The following CMIP variants were observed in gnomAD, a reference collection of about 807,000 sequenced individuals.
CMIP encodes c-Maf inducing protein.
In CMIP, 13 loss-of-function variants were observed where a neutral mutation model predicts 97.3. That is an observed-to-expected ratio of 0.13 (90% CI 0.09 to 0.21). The LOEUF (loss-of-function observed/expected upper bound fraction) is 0.21, where lower values mean the gene tolerates loss of function less well. Ranked by LOEUF, CMIP falls within the 10% of genes least tolerant of loss-of-function variation. CMIP has a pLI of 1.00. For synonymous variants in CMIP, 538 were observed against 436.3 expected (o/e 1.23, Z -2.91); for missense variants, 847 against 1,024.9 (o/e 0.83, Z 2.37).
intron 1 of CMIP, among the ~76,000 whole-genome samples, chr16:81,546,217 T>A (rs2090543657): frequency 6.6e-6 from 1 of 152,118 alleles, no homozygotes; most frequent in African/African-American, 2.4e-5. Context: ...GGAATCCCGA[T>A]CCTTCTCTCT....
intron 20 of CMIP, among the ~76,000 whole-genome samples, chr16:81,709,110 A>C (rs761148381): frequency 6.6e-5 from 10 of 152,132 alleles, no homozygotes; most frequent in Non-Finnish European, 1.3e-4. Context: ...AACAATGGAG[A>C]GACATAGCAG....
At chr16:81,612,235 CAT>C (rs1438924142) in intron 2 of CMIP, among the ~76,000 whole-genome samples, 1 of 152,172 alleles carries the variant, frequency 6.6e-6, no homozygotes, top group African/African-American at 2.4e-5. Flanking sequence ...AGTGGCTGCC[CAT>C]CAGCAAAAAT....
intron 1 of CMIP, among the ~76,000 whole-genome samples, chr16:81,565,893 C>A (rs567540458): frequency 1.3e-5 from 2 of 152,192 alleles, no homozygotes; most frequent in African/African-American, 4.8e-5. Flanking sequence ...GCTTGGGGAG[C>A]GGGCACAGAT....
intron 3 of CMIP, chr16:81,645,516 C>A: frequency 6.5e-7 from 1 of 1,535,958 alleles, no homozygotes; most frequent in Non-Finnish European, 8.7e-7. Flanking sequence ...GAGCAACAGG[C>A]TCTGCTTTCC....
In CMIP at chr16:81,621,794, A is replaced by G. The variant is rs901926629; in HGVS notation, c.477+868A>G. ...GTCACGTGTTGGGAGGACCCAGGGAACACTCAGGATTCCTCTCATGGCTCC... is the reference window on the plus strand; with the variant it reads ...GTCACGTGTTGGGAGGACCCAGGGAGCACTCAGGATTCCTCTCATGGCTCC... On this transcript the variant is annotated intron_variant, in intron 3 of 20. Transcript: ENST00000537098. The surrounding 1 kb of genome is among the most constrained non-coding windows in gnomAD (Gnocchi z 4.1). 1.3e-5 allele frequency: 2 copies of G among 152,602 alleles called. No individual in the cohort carries two copies. Among genetic ancestry groups the G allele is most frequent in the African/African-American group, 2.4e-5 (1 of 41,458 alleles). 9.5% of individuals were successfully genotyped at this position (152,602 alleles called of 1,614,324 possible).
intron 3 of CMIP, among the ~76,000 whole-genome samples, chr16:81,639,442 C>T (rs1410851016): frequency 3.3e-5 from 5 of 152,212 alleles, no homozygotes; most frequent in African/African-American, 1.2e-4. Context: ...ATCCACCATT[C>T]TGCTTTCGGT....
intron 7 of CMIP, 69 bp downstream of exon 7, chr16:81,664,418 C>A: frequency 6.9e-7 from 1 of 1,448,884 alleles, no homozygotes; most frequent in Non-Finnish European, 9.4e-7. Flanking sequence ...CCTCCCTGGC[C>A]TTTTGCGTTG....
chr16:81,675,939 G>T (rs192586793), intron 9 of CMIP, among the ~76,000 whole-genome samples: 2 of 152,320 alleles, frequency 1.3e-5, no homozygotes, highest in Admixed American at 1.3e-4. Context: ...TAAGTAGCAG[G>T]GTTGTCCTGG....
intron 1 of CMIP, among the ~76,000 whole-genome samples, chr16:81,511,583 C>G (rs956155869): frequency 6.6e-6 from 1 of 152,162 alleles, no homozygotes; most frequent in Non-Finnish European, 1.5e-5. Context: ...TGTTTTTACA[C>G]AAGGTCTCAC....
At chr16:81,578,866 G>A (rs555637903) in intron 1 of CMIP, among the ~76,000 whole-genome samples, 105 of 152,292 alleles carry the variant, frequency 6.9e-4, no homozygotes, top group South Asian at 6.2e-4. Context: ...TTGCTGCCCC[G>A]GAGACCTGGC....
intron 1 of CMIP, among the ~76,000 whole-genome samples, chr16:81,468,582 C>T (rs80340955): frequency 6.6e-6 from 1 of 152,248 alleles, no homozygotes; most frequent in Non-Finnish European, 1.5e-5. Flanking sequence ...GAAGCATGCC[C>T]TTATGGGGCA....
intron 16 of CMIP, among the ~76,000 whole-genome samples, chr16:81,702,270 T>C (rs1446270009): frequency 1.3e-5 from 2 of 151,982 alleles, no homozygotes; most frequent in African/African-American, 2.4e-5. Flanking sequence ...CCCTCACCCC[T>C]TCAGTGAGAT....
chr16:81,446,371 T>G (rs1022079398), intron 1 of CMIP, among the ~76,000 whole-genome samples: 16 of 151,318 alleles, frequency 1.1e-4, no homozygotes, highest in African/African-American at 3.9e-4. Context: ...GTTTCTGAAA[T>G]CAGATCTGCA....
At chr16:81,500,523 T>G (rs1256200215) in intron 1 of CMIP, among the ~76,000 whole-genome samples, 1 of 140,488 alleles carries the variant, frequency 7.1e-6, no homozygotes, top group Non-Finnish European at 1.5e-5. Context: ...GGAGTCTCAC[T>G]CTGTCGCCAG....
At chr16:81,563,665 T>C (rs2090927678) in intron 1 of CMIP, among the ~76,000 whole-genome samples, 2 of 152,242 alleles carry the variant, frequency 1.3e-5, no homozygotes, top group Non-Finnish European at 2.9e-5. Flanking sequence ...ATCGGTACGC[T>C]TCTTGCTTGG....
At chr16:81,699,354 A>G (rs989418046) in intron 14 of CMIP, among the ~76,000 whole-genome samples, 20 of 152,272 alleles carry the variant, frequency 1.3e-4, no homozygotes, top group Non-Finnish European at 2.8e-4. Flanking sequence ...ATAGATTTAT[A>G]CAAAAGATAC....
chr16:81,510,379 T>C (rs899832694), intron 1 of CMIP, among the ~76,000 whole-genome samples: 7 of 152,342 alleles, frequency 4.6e-5, no homozygotes, highest in African/African-American at 1.7e-4. Flanking sequence ...TCAATAATGG[T>C]AGTGTTATTA....
At chr16:81,476,383 ACTC>A in intron 1 of CMIP, 1 of 1,192,908 alleles carries the variant, frequency 8.4e-7, no homozygotes, top group Non-Finnish European at 1.2e-6. Flanking sequence ...CTTATAACCA[ACTC>A]CTTTCTCTCC....
chr16:81,543,797 C>G (rs1473960311), intron 1 of CMIP, among the ~76,000 whole-genome samples: 1 of 152,308 alleles, frequency 6.6e-6, no homozygotes, highest in East Asian at 1.9e-4. Flanking sequence ...AAGGAGATAA[C>G]TAAGTTTGAG....
Sources: allele counts gnomAD v4.1 joint callset (sites outside exome capture counted in the v4.1 genomes callset), GRCh38; gene constraint gnomAD v4.1.1; non-coding constraint Gnocchi (gnomAD v3.1); transcripts MANE v1.5; gene names NCBI Gene and HGNC (gene_info 2026-07-23, HGNC 2026-07-21).